The following TBX4 variants were observed in gnomAD, a reference collection of about 807,000 sequenced individuals.
TBX4 encodes T-box transcription factor TBX4.
Under a neutral mutation model 54.6 loss-of-function variants are expected in TBX4, and 13 were observed. The observed-to-expected ratio is 0.24, with a 90% CI of 0.15 to 0.38. The LOEUF (loss-of-function observed/expected upper bound fraction) is 0.38, where lower values mean the gene tolerates loss of function less well. Among genes scored for constraint, TBX4 ranks in the 10% least tolerant of loss-of-function variants. TBX4 has a pLI of 1.00. For missense variants in TBX4, 631 were observed against 728.5 expected, an observed-to-expected ratio of 0.87 and a Z score of 1.54; for synonymous variants, 314 against 306.7, an observed-to-expected ratio of 1.02 and a Z score of -0.25.
In TBX4 at chr17:61,484,972, AAAC is replaced by A. The variant is rs1569048625; in HGVS notation, c.*1458_*1460del. 6.1e-5 allele frequency: 9 copies of A among 147,986 alleles called. No individual in the cohort carries two copies. Among genetic ancestry groups the A allele is most frequent in the African/African-American group, 1.2e-4 (5 of 40,600 alleles). 9.2% of individuals were successfully genotyped at this position (147,986 alleles called of 1,614,324 possible). On this transcript the variant is annotated 3_prime_UTR_variant, in exon 9 of 9. Transcript: ENST00000644296. This position sits in a 1 kb window ranked among gnomAD's most constrained non-coding sequence, Gnocchi z 4.1. ...TATATATATATATATATATATATAT[AAAC>A]ACACACACACTACAGATAAGGCTTT... is the stretch of plus-strand genomic sequence containing the variant.
At position 61,453,211 on chromosome 17, in the gene TBX4, T is replaced by G. The variant is rs79698460; in HGVS notation, c.-4+634T>G. ...CAAGTGAAAATAGTAATCACAATTT[T>G]TAAAAGGATTAAAGACAAAGTAATT... On this transcript the variant is annotated intron_variant, in intron 1 of 8. Transcript: ENST00000644296. Among the ~76,000 whole-genome samples, 525 of 152,264 alleles carry G rather than the reference T, an allele frequency of 3.4e-3. 1 individual carries two copies. The highest frequency in any genetic ancestry group is 0.012 in the African/African-American group (506 of 41,528).
At position 61,483,644 on chromosome 17, in the gene TBX4, GTGTGTGTGTA is replaced by G. The variant is rs1474241776; in HGVS notation, c.*130_*139del. 2.5e-5 allele frequency: 30 copies of G among 1,178,172 alleles called. No individual in the cohort carries two copies. In the Middle Eastern group the frequency reaches 8.3e-4, roughly 33 times the overall value. 73.0% of individuals were successfully genotyped at this position (1,178,172 alleles called of 1,614,324 possible). On this transcript the variant is annotated 3_prime_UTR_variant, in exon 9 of 9. Coordinates refer to ENST00000644296, the MANE Select transcript of TBX4 (RefSeq NM_001321120.2). The surrounding 1 kb of genome is among the most constrained non-coding windows in gnomAD (Gnocchi z 6.6). ...TGTGTGTGTGTGTGTGTGTGTGTGT[GTGTGTGTGTA>G]TACACGAGCATGTATGTATTTGGAG...
Position 61,478,894 on chromosome 17 carries a change from C to T in TBX4, c.702+115C>T. The T allele has an allele frequency of 6.5e-7, 1 of 1,542,582 alleles. No individual in the cohort carries two copies. The highest frequency in any genetic ancestry group is 8.9e-7 in the Non-Finnish European group (1 of 1,118,044). The stretch of plus-strand genomic sequence containing the variant: ...AGTCCCAGCAGGGCTTGGGCAGGCC[C>T]AGTGCAGGGACCTCAGAAGCCTAGA... On this transcript the variant is annotated intron_variant, in intron 6 of 8. Transcript: ENST00000644296. The surrounding 1 kb of genome is among the most constrained non-coding windows in gnomAD (Gnocchi z 7.4).
In TBX4 at chr17:61,472,738, C is replaced by G. The variant is rs2060589893; in HGVS notation, c.549+5081C>G. ...TTATGGATTTATTTTTACATTTAAA[C>G]CATTGATCCTTTTGAAATTTATCCT... On this transcript the variant is annotated intron_variant, in intron 5 of 8. Transcript: ENST00000644296. The surrounding 1 kb of genome is among the most constrained non-coding windows in gnomAD (Gnocchi z 4.5). Among the ~76,000 whole-genome samples the G allele has an allele frequency of 6.6e-6, 1 of 151,892 alleles. No homozygotes were observed.
At chr17:61,471,850 T>G (rs990224472) in intron 5 of TBX4, among the ~76,000 whole-genome samples, 2 of 151,100 alleles carry the variant, frequency 1.3e-5, no homozygotes, top group Non-Finnish European at 2.9e-5. Flanking sequence ...CTCAGCCTCC[T>G]GAATAGCTGG....
Position 61,480,207 on chromosome 17 carries a change from C to T in TBX4, c.909C>T (p.Tyr303=), listed in dbSNP as rs2143862393. 3 of 1,614,142 alleles carry T rather than the reference C, an allele frequency of 1.9e-6. No individual in the cohort carries two copies. The highest frequency in any genetic ancestry group is 4.5e-5 in the East Asian group (2 of 44,872). The change falls in exon 8 of 9, where the codon TAC becomes TAT. Residue 303 remains tyrosine (Y), a synonymous_variant. Coordinates refer to ENST00000644296, the MANE Select transcript of TBX4 (RefSeq NM_001321120.2). The surrounding 1 kb of genome is among the most constrained non-coding windows in gnomAD (Gnocchi z 6.2). The part of the protein sequence containing the change: ...LLGTHQALQH[Y]QHENGAHSQL... The stretch of plus-strand genomic sequence containing the variant: ...GCACCCACCAGGCACTCCAGCACTA[C>T]CAGCACGAGAACGGGGCACACTCAC...
chr17:61,462,626 C>T lies in TBX4; in HGVS notation c.282-3193C>T, dbSNP rs956797624. Among the ~76,000 whole-genome samples the T allele has an allele frequency of 1.1e-4, 17 of 152,160 alleles. No homozygotes were observed. On this transcript the variant is annotated intron_variant, in intron 3 of 8. Transcript: ENST00000644296. The surrounding 1 kb of genome is among the most constrained non-coding windows in gnomAD (Gnocchi z 4.5). The stretch of plus-strand genomic sequence containing the variant: ...GAGGTAGAGCGCAGAGTGCCCGGGA[C>T]AGGCGGGCTTCACCGCCAGCGCTGG...
chr17:61,472,715 A>G lies in TBX4; in HGVS notation c.549+5058A>G, dbSNP rs1374524840. On this transcript the variant is annotated intron_variant, in intron 5 of 8. Coordinates refer to ENST00000644296, the MANE Select transcript of TBX4 (RefSeq NM_001321120.2). The surrounding 1 kb of genome is among the most constrained non-coding windows in gnomAD (Gnocchi z 4.5). Reference sequence around the variant, plus strand: ...TAAGGGACTTTTCTTTTAGTATTTTATGGATTTATTTTTACATTTAAACCA... The same window carrying G: ...TAAGGGACTTTTCTTTTAGTATTTTGTGGATTTATTTTTACATTTAAACCA... 6.6e-6 allele frequency among the ~76,000 whole-genome samples: 1 copy of G among 151,734 alleles called. No individual in the cohort carries two copies. The highest frequency in any genetic ancestry group is 1.5e-5 in the Non-Finnish European group (1 of 67,962).
At position 61,480,038 on chromosome 17, in the gene TBX4, A is replaced by G. The variant is rs2060652216; in HGVS notation, c.792-52A>G. ...AGGCACGTGGCCTCTGTGACCCTCG[A>G]TGTATCTTCACTCTCTTCCTGTCTC... On this transcript the variant is annotated intron_variant, in intron 7 of 8. Transcript: ENST00000644296. The surrounding 1 kb of genome is among the most constrained non-coding windows in gnomAD (Gnocchi z 6.2). The G allele has an allele frequency of 2.5e-6, 4 of 1,611,774 alleles. No homozygotes were observed. The highest frequency in any genetic ancestry group is 3.4e-6 in the Non-Finnish European group (4 of 1,178,002).
Position 61,459,535 on chromosome 17 carries a change from TAAAC to T in TBX4, c.281+1908_281+1911del, listed in dbSNP as rs2060479730. On this transcript the variant is annotated intron_variant, in intron 3 of 8. Coordinates refer to ENST00000644296, the MANE Select transcript of TBX4 (RefSeq NM_001321120.2). This position sits in a 1 kb window ranked among gnomAD's most constrained non-coding sequence, Gnocchi z 4.8. ...TGGGCATGTCTGGCCTTTGGCATTT[TAAAC>T]AAAGGGCATTTTTGTTTGTTTGTTT... Among the ~76,000 whole-genome samples the T allele has an allele frequency of 6.6e-6, 1 of 152,240 alleles. No homozygotes were observed. The highest frequency in any genetic ancestry group is 2.4e-5 in the African/African-American group (1 of 41,466).
rs758676377 is a variant in TBX4 at position 61,480,017 on chromosome 17, AC to A, written c.791+49del. The stretch of plus-strand genomic sequence containing the variant: ...TGGGGCGGGCAGATGGGATTCAGGC[AC>A]GTGGCCTCTGTGACCCTCGATGTAT... On this transcript the variant is annotated intron_variant, in intron 7 of 8. Coordinates refer to ENST00000644296, the MANE Select transcript of TBX4 (RefSeq NM_001321120.2). This position sits in a 1 kb window ranked among gnomAD's most constrained non-coding sequence, Gnocchi z 6.2. 1 of 1,612,576 alleles carries A rather than the reference AC, an allele frequency of 6.2e-7. No individual in the cohort carries two copies. Among genetic ancestry groups the A allele is most frequent in the Admixed American group, 1.7e-5 (1 of 60,018 alleles).
At chr17:61,473,067 G>A (rs1441582270) in intron 5 of TBX4, among the ~76,000 whole-genome samples, 1 of 152,102 alleles carries the variant, frequency 6.6e-6, no homozygotes, top group Non-Finnish European at 1.5e-5. Flanking sequence ...TAAAAAAGGA[G>A]CTTATTTGTA....
At chr17:61,473,955 C>T (rs1045405363) in intron 5 of TBX4, among the ~76,000 whole-genome samples, 5 of 152,124 alleles carry the variant, frequency 3.3e-5, no homozygotes, top group African/African-American at 7.2e-5. Context: ...GCCTAAGGTT[C>T]CCTGGGCAAG....
chr17:61,452,840 G>A, intron 1 of TBX4: 1 of 843,004 alleles, frequency 1.2e-6, no homozygotes. Context: ...TGGGTCTAGA[G>A]ATCCAAGAGC....
intron 4 of TBX4, 128 bp downstream of exon 4, chr17:61,466,066 A>G (rs1342383456): frequency 1.4e-6 from 2 of 1,428,364 alleles, no homozygotes; most frequent in Non-Finnish European, 1.9e-6. Flanking sequence ...GCTGGAGTCC[A>G]CTGCCTGGAA....
At chr17:61,471,129 C>T (rs1282830168) in intron 5 of TBX4, among the ~76,000 whole-genome samples, 1 of 152,174 alleles carries the variant, frequency 6.6e-6, no homozygotes, top group Non-Finnish European at 1.5e-5. Flanking sequence ...CGCATTAGTC[C>T]CCTTAATATG....
intron 8 of TBX4, among the ~76,000 whole-genome samples, chr17:61,482,545 T>A (rs2060670533): frequency 6.6e-6 from 1 of 152,144 alleles, no homozygotes; most frequent in African/African-American, 2.4e-5. Context: ...CTACTTTCCT[T>A]GGCCAGGGAG....
chr17:61,455,374 C>T (rs2060439698), intron 1 of TBX4, among the ~76,000 whole-genome samples: 13 of 152,208 alleles, frequency 8.5e-5, no homozygotes, highest in Admixed American at 8.5e-4. Flanking sequence ...CTACAGAAAG[C>T]TCCGCTGGAG....
At position 61,465,941 on chromosome 17, in the gene TBX4, A is replaced by G. The variant is rs574516876; in HGVS notation, c.401+3A>G. The G allele has an allele frequency of 1.2e-6, 2 of 1,613,802 alleles. No individual in the cohort carries two copies. The highest frequency in any genetic ancestry group is 1.1e-5 in the South Asian group (1 of 91,070). On this transcript the variant is annotated splice_donor_region_variant and intron_variant, in intron 4 of 8. Transcript: ENST00000644296. The surrounding 1 kb of genome is among the most constrained non-coding windows in gnomAD (Gnocchi z 4.9). ...TACAAGTTCTGTGACAACAAATGGT[A>G]AGTGGACCCTGACCGCATCACCCAC...
Sources: allele counts gnomAD v4.1 joint callset (sites outside exome capture counted in the v4.1 genomes callset), GRCh38; gene constraint gnomAD v4.1.1; non-coding constraint Gnocchi (gnomAD v3.1); transcripts MANE v1.5; gene names NCBI Gene and HGNC (gene_info 2026-07-23, HGNC 2026-07-21).